The following PTDSS2 variants were observed in gnomAD, a reference collection of about 807,000 sequenced individuals.
PTDSS2 encodes phosphatidylserine synthase 2, also known as PSS-2.
In PTDSS2, 41 loss-of-function variants were observed where a neutral mutation model predicts 64.7. That is an observed-to-expected ratio of 0.63 (90% CI 0.49 to 0.82). PTDSS2 has a LOEUF of 0.82. Among genes scored for constraint, PTDSS2 ranks in the 40% least tolerant of loss-of-function variants. The probability of loss-of-function intolerance (pLI) is 0.00; values close to 1 mark genes in which losing one functional copy is unlikely to be tolerated. For synonymous variants in PTDSS2, 297 were observed against 277.8 expected (o/e 1.07, Z -0.69); for missense variants, 485 against 650.0 (o/e 0.75, Z 2.76).
chr11:450,422 GGC>G lies in PTDSS2; in HGVS notation c.-31_-30del. ...GGTGACCCGGTGTGCGTGGGGTCGA[GGC>G]GCCGGGCGGAGTGGCTCCGGGCCGA... On this transcript the variant is annotated 5_prime_UTR_variant, in exon 1 of 12. Transcript: ENST00000308020. 8.2e-7 allele frequency: 1 copy of G among 1,221,418 alleles called. No homozygotes were observed. Among genetic ancestry groups the G allele is most frequent in the Non-Finnish European group, 1.0e-6 (1 of 980,636 alleles). 75.7% of individuals were successfully genotyped at this position (1,221,418 alleles called of 1,614,324 possible).
chr11:458,215 T>C (rs902448106), intron 1 of PTDSS2, among the ~76,000 whole-genome samples: 2 of 152,050 alleles, frequency 1.3e-5, no homozygotes, highest in Non-Finnish European at 1.5e-5. Context: ...TTTTTCTTTT[T>C]TTTTTTTGAG....
chr11:487,338 C>A (rs1405070311), intron 5 of PTDSS2, 82 bp from the exon 6 acceptor site: 2 of 1,328,534 alleles, frequency 1.5e-6, no homozygotes, highest in Non-Finnish European at 1.1e-6. Context: ...GCAGGTGCTG[C>A]TCAGGTGTGG....
chr11:487,488 C>T lies in PTDSS2; in HGVS notation c.621+18C>T. On this transcript the variant is annotated intron_variant, in intron 6 of 11. Transcript: ENST00000308020. ...ACCTGAAGGTACGGCACCTCCTCTTCCCGGCCTCCCCGCCCCGGTTCTGAG... is the reference window on the plus strand; with the variant it reads ...ACCTGAAGGTACGGCACCTCCTCTTTCCGGCCTCCCCGCCCCGGTTCTGAG... 6.2e-7 allele frequency: 1 copy of T among 1,612,458 alleles called. No homozygotes were observed. The highest frequency in any genetic ancestry group is 8.5e-7 in the Non-Finnish European group (1 of 1,178,784).
At chr11:474,543 G>T (rs999845520) in intron 3 of PTDSS2, among the ~76,000 whole-genome samples, 2 of 152,130 alleles carry the variant, frequency 1.3e-5, no homozygotes, top group Non-Finnish European at 2.9e-5. Flanking sequence ...GTTGCCCAGC[G>T]CACTCTGCCT....
rs1270239397 is a variant in PTDSS2 at position 490,941 on chromosome 11, G to T, written c.*359G>T. ...GGCAGTGTGTCCCTCAGGAACCAGGGTCCTCCCTCCCCTTTCTGCCTGGTC... is the reference window on the plus strand; with the variant it reads ...GGCAGTGTGTCCCTCAGGAACCAGGTTCCTCCCTCCCCTTTCTGCCTGGTC... On this transcript the variant is annotated 3_prime_UTR_variant, in exon 12 of 12. Coordinates refer to ENST00000308020, the MANE Select transcript of PTDSS2 (RefSeq NM_030783.3). 3.8e-6 allele frequency: 1 copy of T among 265,160 alleles called. No homozygotes were observed. Among genetic ancestry groups the T allele is most frequent in the Admixed American group, 4.9e-5 (1 of 20,434 alleles). 16.4% of individuals were successfully genotyped at this position (265,160 alleles called of 1,614,324 possible). A position where few individuals can be genotyped will look rare whatever the true frequency, so the allele number is the denominator to read the frequency against.
At chr11:458,395 T>C (rs915332476) in intron 1 of PTDSS2, among the ~76,000 whole-genome samples, 14 of 151,234 alleles carry the variant, frequency 9.3e-5, no homozygotes, top group South Asian at 2.1e-4. Flanking sequence ...TTAGTAGAGA[T>C]GGGGTTTCAC....
At chr11:450,260 C>T (rs540031499), upstream of PTDSS2, 26 of 394,372 alleles carry the variant, frequency 6.6e-5, no homozygotes, top group African/African-American at 5.4e-4. Flanking sequence ...CAGCATGCCC[C>T]GCGCGGACTA....
At chr11:475,415 C>T (rs1298751451) in intron 3 of PTDSS2, among the ~76,000 whole-genome samples, 2 of 147,930 alleles carry the variant, frequency 1.4e-5, no homozygotes, top group African/African-American at 2.5e-5. Context: ...GACATATTCA[C>T]GCATTTGTGT....
At position 489,449 on chromosome 11, in the gene PTDSS2, C is replaced by T. The variant is rs1295689603; in HGVS notation, c.904C>T (p.Arg302Cys). Residue 302 changes from arginine to cysteine, a missense_variant, in exon 9 of 12, where the codon CGC becomes TGC. Arg to Cys is a radical substitution (Grantham distance 180, BLOSUM62 -3). Transcript: ENST00000308020. ...CCAGTTCACGCCGTACAGCTGGGTT[C>T]GCTTCGAGTGGAAGCCGGCCTCCAG... ...AFQFTPYSWV[R>C]FEWKPASSLR... The T allele has an allele frequency of 6.2e-7, 1 of 1,613,474 alleles. No homozygotes were observed. The highest frequency in any genetic ancestry group is 8.5e-7 in the Non-Finnish European group (1 of 1,179,874).
rs1424333026 is a variant in PTDSS2, at chr11:462,495, G to A, written c.284+2207G>A. 6.6e-6 allele frequency among the ~76,000 whole-genome samples: 1 copy of A among 152,218 alleles called. No individual in the cohort carries two copies. Among genetic ancestry groups the A allele is most frequent in the East Asian group, 1.9e-4 (1 of 5,192 alleles). ...TCTCTTTCCCCCTCACCCTCTTTGAGGGCACAAAAGAAGCCACCTGTCCTT... is the reference window on the plus strand; with the variant it reads ...TCTCTTTCCCCCTCACCCTCTTTGAAGGCACAAAAGAAGCCACCTGTCCTT... On this transcript the variant is annotated intron_variant, in intron 2 of 11. Coordinates refer to ENST00000308020, the MANE Select transcript of PTDSS2 (RefSeq NM_030783.3). The surrounding 1 kb of genome is among the most constrained non-coding windows in gnomAD (Gnocchi z 4.5).
chr11:453,810 G>A (rs1015586512), intron 1 of PTDSS2, among the ~76,000 whole-genome samples: 3 of 152,240 alleles, frequency 2.0e-5, no homozygotes, highest in African/African-American at 4.8e-5. Context: ...CCATGAGAGT[G>A]GACATGAGAG....
chr11:486,658 CG>C (rs955102997), intron 4 of PTDSS2, among the ~76,000 whole-genome samples: 11 of 151,728 alleles, frequency 7.2e-5, no homozygotes, highest in Non-Finnish European at 1.5e-4. Flanking sequence ...CTGGCTAGCA[CG>C]GTGAAACCCC....
chr11:476,637 G>C lies in PTDSS2; in HGVS notation c.368-2448G>C, dbSNP rs1367967896. On this transcript the variant is annotated intron_variant, in intron 3 of 11. Coordinates refer to ENST00000308020, the MANE Select transcript of PTDSS2 (RefSeq NM_030783.3). This position sits in a 1 kb window ranked among gnomAD's most constrained non-coding sequence, Gnocchi z 4.9. ...AGACTCCCGGGAGACCCTCAGCTCT[G>C]AGCAGTCAGGAGCTCTGGCGCAGGT... 3.3e-5 allele frequency among the ~76,000 whole-genome samples: 5 copies of C among 152,156 alleles called. No individual in the cohort carries two copies. The highest frequency in any genetic ancestry group is 1.2e-4 in the African/African-American group (5 of 41,438).
chr11:472,622 C>G (rs972630880), intron 2 of PTDSS2, among the ~76,000 whole-genome samples: 1 of 152,174 alleles, frequency 6.6e-6, no homozygotes, highest in African/African-American at 2.4e-5. Context: ...CGACCTTGTG[C>G]CCTCCTCCAT....
At chr11:458,591 T>C in intron 1 of PTDSS2, 1 of 146,546 alleles carries the variant, frequency 6.8e-6, no homozygotes. Flanking sequence ...CCTAGCGCAC[T>C]GCAGCCTCAA....
At chr11:452,009 C>T (rs1453683942) in intron 1 of PTDSS2, among the ~76,000 whole-genome samples, 1 of 152,212 alleles carries the variant, frequency 6.6e-6, no homozygotes, top group Non-Finnish European at 1.5e-5. Context: ...TGCCCTGCCA[C>T]ACCCCTTCAG....
Position 479,309 on chromosome 11 carries a change from G to T in PTDSS2, c.435+157G>T. ...AGGCCGAGCTGCGGGGGGTCTCCAG[G>T]AGCATCTGTGCGGCCCTTGAGTGAT... is the stretch of plus-strand genomic sequence containing the variant. On this transcript the variant is annotated intron_variant, in intron 4 of 11. Transcript: ENST00000308020. This position sits in a 1 kb window ranked among gnomAD's most constrained non-coding sequence, Gnocchi z 4.2. The T allele has an allele frequency of 1.4e-6, 1 of 731,968 alleles. No individual in the cohort carries two copies. The highest frequency in any genetic ancestry group is 2.5e-6 in the Non-Finnish European group (1 of 406,950). 45.3% of individuals were successfully genotyped at this position (731,968 alleles called of 1,614,324 possible).
Position 462,498 on chromosome 11 carries a change from C to T in PTDSS2, c.284+2210C>T, listed in dbSNP as rs1162161657. Reference sequence around the variant, plus strand: ...CTTTCCCCCTCACCCTCTTTGAGGGCACAAAAGAAGCCACCTGTCCTTCTC... The same window carrying T: ...CTTTCCCCCTCACCCTCTTTGAGGGTACAAAAGAAGCCACCTGTCCTTCTC... On this transcript the variant is annotated intron_variant, in intron 2 of 11. Transcript: ENST00000308020. This position sits in a 1 kb window ranked among gnomAD's most constrained non-coding sequence, Gnocchi z 4.5. Among the ~76,000 whole-genome samples, 1 of 152,232 alleles carries T rather than the reference C, an allele frequency of 6.6e-6. No individual in the cohort carries two copies. Among genetic ancestry groups the T allele is most frequent in the Admixed American group, 6.5e-5 (1 of 15,278 alleles).
intron 2 of PTDSS2, among the ~76,000 whole-genome samples, chr11:473,026 G>A (rs1275846956): frequency 6.6e-6 from 1 of 152,206 alleles, no homozygotes; most frequent in East Asian, 1.9e-4. Flanking sequence ...AGCACAGAGC[G>A]CGTCCGCAGA....
Sources: allele counts gnomAD v4.1 joint callset (sites outside exome capture counted in the v4.1 genomes callset), GRCh38; gene constraint gnomAD v4.1.1; non-coding constraint Gnocchi (gnomAD v3.1); transcripts MANE v1.5; gene names NCBI Gene and HGNC (gene_info 2026-07-23, HGNC 2026-07-21).